KLF12: variants seen among roughly 807,000 people sequenced by gnomAD.
The protein encoded by KLF12 is KLF transcription factor 12.
KLF12 carries 9 observed loss-of-function variants against 37.8 expected under a neutral mutation model. That is an observed-to-expected ratio of 0.24 (90% CI 0.14 to 0.42). The LOEUF is 0.42. Ranked by LOEUF, KLF12 falls within the 10% of genes least tolerant of loss-of-function variation. The probability of loss-of-function intolerance (pLI) is 1.00; values close to 1 mark genes in which losing one functional copy is unlikely to be tolerated. For missense variants in KLF12, 411 were observed against 516.0 expected, an observed-to-expected ratio of 0.80 and a Z score of 1.97; for synonymous variants, 208 against 202.1, an observed-to-expected ratio of 1.03 and a Z score of -0.25.
the KLF12 span, among the ~76,000 whole-genome samples, chr13:74,221,043 G>A: frequency 6.9e-6 from 1 of 145,046 alleles, no homozygotes; most frequent in Non-Finnish European, 1.5e-5. Flanking sequence ...TGGCTCTGTC[G>A]CCCCAGGCTG....
intron 5 of KLF12, among the ~76,000 whole-genome samples, chr13:73,775,799 T>G (rs888068746): frequency 6.6e-6 from 1 of 152,222 alleles, no homozygotes; most frequent in Admixed American, 6.5e-5. Flanking sequence ...GCTGCATTAA[T>G]TTTGAGATGC....
In KLF12 at chr13:73,877,076, T is replaced by C. The variant is rs965309091; in HGVS notation, c.124-30703A>G. 2.6e-5 allele frequency among the ~76,000 whole-genome samples: 4 copies of C among 152,154 alleles called. No individual in the cohort carries two copies. The East Asian group carries it at 7.7e-4, about 29-fold the overall frequency. On this transcript the variant is annotated intron_variant, in intron 3 of 7. Transcript: ENST00000377669. Reference sequence around the variant, plus strand: ...TTTGCTTGCTGTCTTACACATTCTATTCCCATTCAATTTCTTTGGGAAATT... The same window carrying C: ...TTTGCTTGCTGTCTTACACATTCTACTCCCATTCAATTTCTTTGGGAAATT...
chr13:73,764,590 C>T (rs1178250921), intron 6 of KLF12, among the ~76,000 whole-genome samples: 1 of 151,896 alleles, frequency 6.6e-6, no homozygotes, highest in Non-Finnish European at 1.5e-5. Flanking sequence ...TGGAAATCTT[C>T]ATGAGGAGTT....
the KLF12 span, among the ~76,000 whole-genome samples, chr13:74,221,138 G>T: frequency 6.6e-6 from 1 of 151,706 alleles, no homozygotes; most frequent in Non-Finnish European, 1.5e-5. Flanking sequence ...CGGAGTAGCT[G>T]GGACTACAAG....
At chr13:73,839,625 C>T (rs542270015) in intron 4 of KLF12, among the ~76,000 whole-genome samples, 11 of 151,956 alleles carry the variant, frequency 7.2e-5, no homozygotes, top group Non-Finnish European at 1.6e-4. Context: ...TTTATTTTTA[C>T]TTGTTTGCTA....
Position 73,717,504 on chromosome 13 carries a change from GCA to G in KLF12, c.870-1981_870-1980del, listed in dbSNP as rs1333480913. 2.6e-5 allele frequency among the ~76,000 whole-genome samples: 4 copies of G among 152,252 alleles called. No individual in the cohort carries two copies. The East Asian group carries it at 7.7e-4, about 29-fold the overall frequency. On this transcript the variant is annotated intron_variant, in intron 6 of 7. Transcript: ENST00000377669. ...GAATTTTTTCTGAAAGTCTCTTTCT[GCA>G]CACGTGTCTTCAGATTTCAGTGTAC... is the stretch of plus-strand genomic sequence containing the variant.
chr13:73,857,514 C>T (rs1173760343), intron 3 of KLF12, among the ~76,000 whole-genome samples: 1 of 152,138 alleles, frequency 6.6e-6, no homozygotes. Context: ...TATTAACACT[C>T]TTAAGGTGAA....
intron 5 of KLF12, among the ~76,000 whole-genome samples, chr13:73,804,727 T>G (rs1271990899): frequency 6.6e-6 from 1 of 152,192 alleles, no homozygotes; most frequent in Non-Finnish European, 1.5e-5. Context: ...GCTCCCTGAT[T>G]TGCCCATCAG....
chr13:73,910,937 AAC>A (rs1888536651), intron 3 of KLF12, among the ~76,000 whole-genome samples: 1 of 152,170 alleles, frequency 6.6e-6, no homozygotes, highest in Admixed American at 6.5e-5. Flanking sequence ...TTCACCATGT[AAC>A]ACTCTATGTC....
the KLF12 span, among the ~76,000 whole-genome samples, chr13:74,290,645 C>T: frequency 2.6e-5 from 4 of 152,262 alleles, no homozygotes; most frequent in Admixed American, 2.6e-4. Context: ...GTGAATCTCA[C>T]GTATTATTGG....
intron 1 of KLF12, among the ~76,000 whole-genome samples, chr13:74,116,808 T>C (rs934251242): frequency 1.3e-5 from 2 of 152,008 alleles, no homozygotes; most frequent in African/African-American, 4.8e-5. Flanking sequence ...ATCTAGCAGA[T>C]TATAAAATAA....
At chr13:73,913,568 T>C (rs2139167344) in intron 3 of KLF12, among the ~76,000 whole-genome samples, 1 of 152,336 alleles carries the variant, frequency 6.6e-6, no homozygotes, top group South Asian at 2.1e-4. Context: ...AGTCCTCTGT[T>C]ACTCACAGAG....
At chr13:74,265,623 T>C in the KLF12 span, among the ~76,000 whole-genome samples, 2 of 152,220 alleles carry the variant, frequency 1.3e-5, no homozygotes, top group South Asian at 2.1e-4. Flanking sequence ...AGAGTAGAAA[T>C]GTATGATGTT....
chr13:73,706,173 A>ACAAT (rs1422967711), intron 7 of KLF12, among the ~76,000 whole-genome samples: 1 of 152,098 alleles, frequency 6.6e-6, no homozygotes, highest in African/African-American at 2.4e-5. Context: ...AAACAAACAA[A>ACAAT]CAAACAAAAC....
At chr13:73,986,830 G>T (rs998078053) in intron 2 of KLF12, among the ~76,000 whole-genome samples, 2 of 152,110 alleles carry the variant, frequency 1.3e-5, no homozygotes, top group African/African-American at 4.8e-5. Context: ...TAAGGAAATG[G>T]AATCAGTCCT....
chr13:74,149,097 A>T, the KLF12 span, among the ~76,000 whole-genome samples: 1 of 152,128 alleles, frequency 6.6e-6, no homozygotes, highest in Non-Finnish European at 1.5e-5. Context: ...TTACGGGCAC[A>T]AGCCACCTTG....
intron 1 of KLF12, among the ~76,000 whole-genome samples, chr13:74,023,724 A>G (rs1218778649): frequency 1.3e-5 from 2 of 152,154 alleles, no homozygotes; most frequent in African/African-American, 4.8e-5. Flanking sequence ...CAACAACTCT[A>G]ATTCCAAATG....
intron 3 of KLF12, among the ~76,000 whole-genome samples, chr13:73,863,893 C>T (rs1886049988): frequency 6.6e-6 from 1 of 152,112 alleles, no homozygotes; most frequent in Non-Finnish European, 1.5e-5. Flanking sequence ...AACATTTACA[C>T]TGAGTGTTAT....
intron 1 of KLF12, among the ~76,000 whole-genome samples, chr13:74,074,461 T>A (rs930125315): frequency 6.6e-6 from 1 of 152,156 alleles, no homozygotes; most frequent in Non-Finnish European, 1.5e-5. Flanking sequence ...ATCATCTAAC[T>A]GGACTCTGAT....
Sources: gnomAD v4.1 joint callset for allele counts (sites outside exome capture counted in the v4.1 genomes callset) on GRCh38, gnomAD v4.1.1 for gene constraint, MANE v1.5 for transcripts, NCBI Gene and HGNC (gene_info 2026-07-23, HGNC 2026-07-21) for gene names.